RNPC3: variants seen among roughly 807,000 people sequenced by gnomAD.
RNPC3 encodes RNA binding region (RNP1, RRM) containing 3, also known as RNA-binding region-containing protein 3.
Under a neutral mutation model 67.5 loss-of-function variants are expected in RNPC3, and 48 were observed. The observed-to-expected ratio is 0.71, with a 90% CI of 0.56 to 0.90. The LOEUF (loss-of-function observed/expected upper bound fraction) is 0.90, where lower values mean the gene tolerates loss of function less well. Among genes scored for constraint, RNPC3 ranks in the 40% least tolerant of loss-of-function variants. The probability of loss-of-function intolerance (pLI) is 0.00; values close to 1 mark genes in which losing one functional copy is unlikely to be tolerated. For synonymous variants in RNPC3, 239 were observed against 210.3 expected (o/e 1.14, Z -1.18); for missense variants, 637 against 626.1 (o/e 1.02, Z -0.19).
At chr1:103,541,662 G>A (rs534509338) in intron 8 of RNPC3, among the ~76,000 whole-genome samples, 187 bp downstream of exon 8, 25 of 152,102 alleles carry the variant, frequency 1.6e-4, no homozygotes, top group African/African-American at 2.6e-4. Flanking sequence ...CTTCTCTGTC[G>A]TAAGCCTTAA....
chr1:103,526,464 C>T (rs560614774), intron 1 of RNPC3, among the ~76,000 whole-genome samples: 11 of 152,268 alleles, frequency 7.2e-5, no homozygotes, highest in South Asian at 2.1e-4. Flanking sequence ...TTAGTCATAG[C>T]ACTGCAGAAA....
chr1:103,542,798 A>G (rs1014754371), intron 8 of RNPC3, among the ~76,000 whole-genome samples: 2 of 151,792 alleles, frequency 1.3e-5, no homozygotes, highest in South Asian at 4.1e-4. Flanking sequence ...ATAACTTTTT[A>G]TATTGATTAT....
chr1:103,529,891 G>A (rs1650805892), intron 2 of RNPC3, among the ~76,000 whole-genome samples: 1 of 152,128 alleles, frequency 6.6e-6, no homozygotes, highest in African/African-American at 2.4e-5. Context: ...TCTATTCAGG[G>A]CGACTCCGCC....
intron 2 of RNPC3, among the ~76,000 whole-genome samples, chr1:103,528,092 G>C (rs1650760668): frequency 6.6e-6 from 1 of 152,232 alleles, no homozygotes; most frequent in Admixed American, 6.5e-5. Flanking sequence ...CTTTTAGCTA[G>C]AAGTCTAATG....
intron 7 of RNPC3, among the ~76,000 whole-genome samples, 190 bp downstream of exon 7, chr1:103,537,674 T>A (rs1260940144): frequency 6.6e-6 from 1 of 152,054 alleles, no homozygotes; most frequent in East Asian, 1.9e-4. Flanking sequence ...TAACAAGACC[T>A]AAGTGAAAAT....
intron 11 of RNPC3, 98 bp downstream of exon 11, chr1:103,546,440 G>T: frequency 3.6e-6 from 2 of 557,090 alleles, no homozygotes; most frequent in South Asian, 2.9e-5. Flanking sequence ...TTAAGAATGT[G>T]GTTTTCTTAC....
intron 12 of RNPC3, among the ~76,000 whole-genome samples, chr1:103,549,442 A>T (rs1316553602): frequency 6.6e-6 from 1 of 152,174 alleles, no homozygotes; most frequent in Non-Finnish European, 1.5e-5. Context: ...CCAGAATGCC[A>T]AAATATATTT....
intron 6 of RNPC3, among the ~76,000 whole-genome samples, 154 bp from the exon 7 acceptor site, chr1:103,537,188 G>A (rs1216213907): frequency 6.6e-6 from 1 of 151,302 alleles, no homozygotes; most frequent in African/African-American, 2.4e-5. Context: ...ATCAGCTAGT[G>A]ATCTGCCATA....
chr1:103,529,652 C>T (rs898760623), intron 2 of RNPC3, among the ~76,000 whole-genome samples: 1 of 152,158 alleles, frequency 6.6e-6, no homozygotes, highest in Non-Finnish European at 1.5e-5. Context: ...AGATGACCTT[C>T]ATTTCAGATA....
At position 103,526,232 on chromosome 1, in the gene RNPC3, T is replaced by G; in HGVS notation, c.162T>G (p.Ser54=). The part of the protein sequence containing the change: ...EDLLKYFGAQ[S]VRVLSDKGRL... ...TGCTGAAGTACTTCGGGGCTCAGTCTGTGCGGGTCCTGTCAGATAAGGGGC... is the reference window on the plus strand; with the variant it reads ...TGCTGAAGTACTTCGGGGCTCAGTCGGTGCGGGTCCTGTCAGATAAGGGGC... The change falls in exon 1 of 15, where the codon TCT becomes TCG. Residue 54 remains serine (S), a synonymous_variant. Coordinates refer to ENST00000423855, the MANE Select transcript of RNPC3 (RefSeq NM_017619.4). The G allele has an allele frequency of 6.4e-7, 1 of 1,550,994 alleles. No individual in the cohort carries two copies.
chr1:103,540,852 GAA>G (rs1335391767), intron 7 of RNPC3, among the ~76,000 whole-genome samples: 1 of 152,106 alleles, frequency 6.6e-6, no homozygotes, highest in African/African-American at 2.4e-5. Flanking sequence ...TACAGTATTT[GAA>G]AACAGTTCTC....
intron 12 of RNPC3, among the ~76,000 whole-genome samples, chr1:103,549,321 T>TA (rs1373864687): frequency 6.6e-6 from 1 of 152,204 alleles, no homozygotes; most frequent in African/African-American, 2.4e-5. Flanking sequence ...GTGACACCAA[T>TA]ACTTTACAAA....
chr1:103,528,187 A>C (rs1350708497), intron 2 of RNPC3, among the ~76,000 whole-genome samples: 1 of 152,176 alleles, frequency 6.6e-6, no homozygotes, highest in Non-Finnish European at 1.5e-5. Flanking sequence ...GAGACATTGG[A>C]AGTTATAAGT....
chr1:103,542,823 T>A (rs1278025425), intron 8 of RNPC3, among the ~76,000 whole-genome samples: 1 of 151,824 alleles, frequency 6.6e-6, no homozygotes, highest in Non-Finnish European at 1.5e-5. Context: ...TGAAATAATA[T>A]TTTGGATATA....
intron 7 of RNPC3, among the ~76,000 whole-genome samples, chr1:103,539,828 A>G (rs1377441108): frequency 6.6e-6 from 1 of 152,120 alleles, no homozygotes; most frequent in Non-Finnish European, 1.5e-5. Flanking sequence ...GATACCACAT[A>G]TGGCTGGCTT....
chr1:103,541,553 T>G (rs1195336886), intron 8 of RNPC3, 78 bp downstream of exon 8: 4 of 1,320,694 alleles, frequency 3.0e-6, no homozygotes, highest in South Asian at 2.9e-5. Flanking sequence ...CATTCTTCAT[T>G]CTGGCATTTG....
chr1:103,533,065 C>T (rs1216057758), intron 2 of RNPC3, among the ~76,000 whole-genome samples: 2 of 151,962 alleles, frequency 1.3e-5, no homozygotes, highest in Non-Finnish European at 2.9e-5. Context: ...CACCCCTCAC[C>T]ACACACAATT....
rs949681070 is a variant in RNPC3, at chr1:103,525,900, C to A, written c.-171C>A. 2 of 604,170 alleles carry A rather than the reference C, an allele frequency of 3.3e-6. No individual in the cohort carries two copies. Among genetic ancestry groups the A allele is most frequent in the African/African-American group, 3.7e-5 (2 of 53,578 alleles). The allele number at this position is 604,170 out of a possible 1,614,324, so 37.4% of individuals were successfully genotyped here. A position where few individuals can be genotyped will look rare whatever the true frequency, so the allele number is the denominator to read the frequency against. On this transcript the variant is annotated 5_prime_UTR_variant, in exon 1 of 15. Transcript: ENST00000423855. ...CCCCGAAGAGTCTTCGAAGGGTTGC[C>A]GCTTTTCGGTGGCGCAGTTCTCGCG...
At position 103,526,096 on chromosome 1, in the gene RNPC3, C is replaced by T. The variant is rs1254623973; in HGVS notation, c.26C>T (p.Ala9Val). The change falls in exon 1 of 15, where the codon GCG becomes GTG. Residue 9 changes from alanine (A) to valine (V), a missense_variant. Ala to Val is a moderately conservative substitution (Grantham distance 64, BLOSUM62 0). Coordinates refer to ENST00000423855, the MANE Select transcript of RNPC3 (RefSeq NM_017619.4). ...ATGGCAGCTCCCGAGCAGCCGCTTG[C>T]GATATCAAGGGGATGCACGAGCTCC... MAAPEQPL[A>V]ISRGCTSSSS... 1.9e-6 allele frequency: 3 copies of T among 1,545,476 alleles called. No homozygotes were observed. Among genetic ancestry groups the T allele is most frequent in the Non-Finnish European group, 1.7e-6 (2 of 1,143,348 alleles).
Sources: gnomAD v4.1 joint callset for allele counts (sites outside exome capture counted in the v4.1 genomes callset) on GRCh38, gnomAD v4.1.1 for gene constraint, MANE v1.5 for transcripts, NCBI Gene and HGNC (gene_info 2026-07-23, HGNC 2026-07-21) for gene names.